Variants in CLTA observed in about 807,000 individuals in gnomAD.
CLTA encodes clathrin, light polypeptide (Lca).
A neutral mutation model predicts 26.9 loss-of-function variants in CLTA; 9 were observed. The observed-to-expected ratio is 0.33, with a 90% CI of 0.20 to 0.58. The LOEUF (loss-of-function observed/expected upper bound fraction) is 0.58, where lower values mean the gene tolerates loss of function less well. CLTA is among the 20% of genes least tolerant of loss of function. The pLI, the probability that CLTA is intolerant of heterozygous loss-of-function variation, is 0.85. For synonymous variants in CLTA, 120 were observed against 115.5 expected (o/e 1.04, Z -0.25); for missense variants, 278 against 294.2 (o/e 0.94, Z 0.40).
chr9:36,192,765 A>G (rs1463601465), intron 1 of CLTA, among the ~76,000 whole-genome samples: 1 of 152,094 alleles, frequency 6.6e-6, no homozygotes, highest in Non-Finnish European at 1.5e-5. Flanking sequence ...AAGTCTACCC[A>G]CTCTTAGAAT....
intron 1 of CLTA, among the ~76,000 whole-genome samples, chr9:36,193,687 T>C (rs1826867477): frequency 6.6e-6 from 1 of 152,192 alleles, no homozygotes; most frequent in African/African-American, 2.4e-5. Context: ...CAGTCAGCTA[T>C]GACAGATTGA....
chr9:36,203,714 G>T (rs1204013998), intron 3 of CLTA, among the ~76,000 whole-genome samples: 2 of 152,118 alleles, frequency 1.3e-5, no homozygotes, highest in Non-Finnish European at 2.9e-5. Flanking sequence ...TGCCCAGAAG[G>T]CTTTTTTCCT....
intron 4 of CLTA, among the ~76,000 whole-genome samples, chr9:36,207,163 C>T (rs1827774731): frequency 6.6e-6 from 1 of 152,164 alleles, no homozygotes; most frequent in African/African-American, 2.4e-5. Flanking sequence ...GGTGGGTGTG[C>T]TGTACTCTAT....
Position 36,209,432 on chromosome 9 carries a change from G to T in CLTA, c.486-2171G>T, listed in dbSNP as rs1185462673. The T allele has an allele frequency of 8.5e-6, 7 of 821,468 alleles. No individual in the cohort carries two copies. In the African/African-American group the frequency reaches 1.2e-4, roughly 14 times the overall value. The allele number at this position is 821,468 out of a possible 1,614,324, so 50.9% of individuals were successfully genotyped here. ...TTTGCTTTTTAAATTATTTCAAATT[G>T]GCACTTTGGGGGCTGCCTAAGAATT... On this transcript the variant is annotated intron_variant, in intron 4 of 4. Coordinates refer to ENST00000345519, the MANE Select transcript of CLTA (RefSeq NM_001833.4).
intron 4 of CLTA, among the ~76,000 whole-genome samples, chr9:36,206,001 C>T (rs1563916236): frequency 6.6e-6 from 1 of 152,164 alleles, no homozygotes; most frequent in Non-Finnish European, 1.5e-5. Context: ...ACCTCGTGAT[C>T]TGCCTTCCTT....
chr9:36,193,500 G>A (rs1826855045), intron 1 of CLTA, among the ~76,000 whole-genome samples: 1 of 151,936 alleles, frequency 6.6e-6, no homozygotes, highest in African/African-American at 2.4e-5. Context: ...GGCATCTTTA[G>A]GATTACATTA....
At chr9:36,211,581 C>T (rs776511107) in intron 4 of CLTA, 22 bp from the exon 5 acceptor site, 2 of 1,596,764 alleles carry the variant, frequency 1.3e-6, no homozygotes, top group South Asian at 2.2e-5. Flanking sequence ...CATAAACCAA[C>T]ATATTTTGTT....
chr9:36,198,293 C>A (rs1485056092), intron 2 of CLTA, among the ~76,000 whole-genome samples: 1 of 151,876 alleles, frequency 6.6e-6, no homozygotes, highest in East Asian at 1.9e-4. Flanking sequence ...CCACCGCACC[C>A]CGCCAGAGCC....
At chr9:36,197,968 A>C (rs1050233614) in intron 2 of CLTA, among the ~76,000 whole-genome samples, 1 of 146,372 alleles carries the variant, frequency 6.8e-6, no homozygotes, top group Admixed American at 6.8e-5. Flanking sequence ...ATATGGAATA[A>C]TTTTGTAAAG....
At chr9:36,199,848 A>G (rs1057463140) in intron 3 of CLTA, among the ~76,000 whole-genome samples, 6 of 152,228 alleles carry the variant, frequency 3.9e-5, no homozygotes, top group African/African-American at 4.8e-5. Flanking sequence ...TCCTACCTTA[A>G]TATCTCTGTA....
At chr9:36,204,357 A>G (rs1470560084) in intron 4 of CLTA, among the ~76,000 whole-genome samples, 178 bp downstream of exon 4, 1 of 152,178 alleles carries the variant, frequency 6.6e-6, no homozygotes, top group Admixed American at 6.5e-5. Context: ...AATTCACCCT[A>G]TTGTTTAGCC....
At chr9:36,198,160 C>T (rs1827165226) in intron 2 of CLTA, among the ~76,000 whole-genome samples, 1 of 151,776 alleles carries the variant, frequency 6.6e-6, no homozygotes. Context: ...CCACGCCCGG[C>T]TAATTTTTTG....
intron 4 of CLTA, among the ~76,000 whole-genome samples, chr9:36,209,564 C>T (rs1241318766): frequency 6.6e-6 from 1 of 152,092 alleles, no homozygotes; most frequent in Non-Finnish European, 1.5e-5. Flanking sequence ...AAAGCTAACT[C>T]GCTTTCAAAA....
At chr9:36,210,996 G>A (rs746883813) in intron 4 of CLTA, among the ~76,000 whole-genome samples, 1 of 152,194 alleles carries the variant, frequency 6.6e-6, no homozygotes, top group South Asian at 2.1e-4. Context: ...GCCCTGAGTG[G>A]CCCCAAGGCA....
Position 36,200,973 on chromosome 9 carries a change from C to T in CLTA, c.373+1877C>T, listed in dbSNP as rs531763086. Among the ~76,000 whole-genome samples, 9 of 152,228 alleles carry T rather than the reference C, an allele frequency of 5.9e-5. No homozygotes were observed. The South Asian group carries it at 8.3e-4, about 14-fold the overall frequency. The stretch of plus-strand genomic sequence containing the variant: ...CAAGATTTAGCTGGTCTTAGTACTG[C>T]TGTAGTATTTTTCATGTTACAGAAC... On this transcript the variant is annotated intron_variant, in intron 3 of 4. Transcript: ENST00000345519.
chr9:36,206,083 A>G (rs965106380), intron 4 of CLTA, among the ~76,000 whole-genome samples: 4 of 152,128 alleles, frequency 2.6e-5, no homozygotes, highest in African/African-American at 9.7e-5. Context: ...TTAGGAGCTC[A>G]GTCTTAAAAG....
rs1587228655 is a variant in CLTA, at chr9:36,202,064, T to C, written c.374-2004T>C. ...AGATTGAGGCTGCAGTGAGCTGTGA[T>C]AGAACTACTGCAGTACAGCCTGGGC... On this transcript the variant is annotated intron_variant, in intron 3 of 4. Coordinates refer to ENST00000345519, the MANE Select transcript of CLTA (RefSeq NM_001833.4). Among the ~76,000 whole-genome samples the C allele has an allele frequency of 3.9e-5, 6 of 152,138 alleles. No individual in the cohort carries two copies. The South Asian group carries it at 1.2e-3, about 32-fold the overall frequency.
Position 36,199,779 on chromosome 9 carries a change from G to T in CLTA, c.373+683G>T, listed in dbSNP as rs1827296665. Among the ~76,000 whole-genome samples the T allele has an allele frequency of 2.0e-5, 3 of 152,076 alleles. No individual in the cohort carries two copies. In the South Asian group the frequency reaches 6.2e-4, roughly 32 times the overall value. ...TCCATTTTTTATTTGAAGGCTAAAT[G>T]AATTTAAAGTAACACGAGGAAAATG... is the stretch of plus-strand genomic sequence containing the variant. On this transcript the variant is annotated intron_variant, in intron 3 of 4. Coordinates refer to ENST00000345519, the MANE Select transcript of CLTA (RefSeq NM_001833.4).
rs780377593 is a variant in CLTA at position 36,204,175 on chromosome 9, A to C, written c.481A>C (p.Asn161His). 6.2e-7 allele frequency: 1 copy of C among 1,613,450 alleles called. No homozygotes were observed. The stretch of plus-strand genomic sequence containing the variant: ...GCAGCTACAGAAAACAAAAGCAAAC[A>C]ACAGGTCAGTCCGTGGTGGTTGTAG... Reference protein sequence around the residue: ...DEQLQKTKANNRAAEEAFVND... With the variant: ...DEQLQKTKANHRAAEEAFVND... The change falls in exon 4 of 5, where the codon AAC becomes CAC. Residue 161 changes from asparagine to histidine, a missense_variant. Physicochemically the swap from Asn to His is moderately conservative, Grantham distance 68. Coordinates refer to ENST00000345519, the MANE Select transcript of CLTA (RefSeq NM_001833.4).
Sources: allele counts gnomAD v4.1 joint callset (sites outside exome capture counted in the v4.1 genomes callset), GRCh38; gene constraint gnomAD v4.1.1; transcripts MANE v1.5; gene names NCBI Gene and HGNC (gene_info 2026-07-23, HGNC 2026-07-21).